The following HS3ST5 variants were observed in gnomAD, a reference collection of about 807,000 sequenced individuals.
HS3ST5 encodes heparan sulfate-glucosamine 3-sulfotransferase 5.
HS3ST5 carries 10 observed loss-of-function variants against 25.4 expected under a neutral mutation model. The ratio of observed to expected loss-of-function variants is 0.39; its 90% CI spans 0.24 to 0.67. The LOEUF (loss-of-function observed/expected upper bound fraction) is 0.67, where lower values mean the gene tolerates loss of function less well. Among genes scored for constraint, HS3ST5 ranks in the 30% least tolerant of loss-of-function variants. HS3ST5 has a pLI of 0.44. For missense variants in HS3ST5, 324 were observed against 420.7 expected (o/e 0.77, Z 2.01); for synonymous variants, 170 against 162.4 (o/e 1.05, Z -0.36).
chr6:114,341,384 A>G (rs1466327212), intron 1 of HS3ST5, among the ~76,000 whole-genome samples: 1 of 151,884 alleles, frequency 6.6e-6, no homozygotes, highest in Non-Finnish European at 1.5e-5. Context: ...AGGTGAAGTG[A>G]CTCCGGAGTT....
intron 1 of HS3ST5, among the ~76,000 whole-genome samples, chr6:114,310,961 T>C (rs1310369933): frequency 6.6e-6 from 1 of 152,194 alleles, no homozygotes; most frequent in Non-Finnish European, 1.5e-5. Context: ...AATATGCTAA[T>C]ATAGCCAATG....
chr6:114,338,929 A>C (rs957516076), intron 1 of HS3ST5, among the ~76,000 whole-genome samples: 1 of 152,052 alleles, frequency 6.6e-6, no homozygotes, highest in Non-Finnish European at 1.5e-5. Context: ...TTTTGTTTTG[A>C]GCTCCCCTCA....
chr6:114,148,417 G>A (rs1363669301), intron 3 of HS3ST5, among the ~76,000 whole-genome samples: 7 of 152,066 alleles, frequency 4.6e-5, no homozygotes, highest in African/African-American at 1.7e-4. Flanking sequence ...TCAGGAGTTC[G>A]AGACCAGCCT....
At chr6:114,226,560 T>C (rs1042718565) in intron 2 of HS3ST5, among the ~76,000 whole-genome samples, 1 of 151,890 alleles carries the variant, frequency 6.6e-6, no homozygotes, top group Admixed American at 6.6e-5. Flanking sequence ...GAAACTTTTA[T>C]ATGAAGAGAC....
chr6:114,193,120 T>C (rs1284254373), intron 2 of HS3ST5, among the ~76,000 whole-genome samples: 1 of 152,210 alleles, frequency 6.6e-6, no homozygotes, highest in Non-Finnish European at 1.5e-5. Context: ...TGTTAACTCA[T>C]TCATGGAGCA....
chr6:114,245,763 G>A (rs961978409), intron 1 of HS3ST5, among the ~76,000 whole-genome samples: 2 of 152,156 alleles, frequency 1.3e-5, no homozygotes, highest in Admixed American at 6.5e-5. Context: ...CAGACTCCCA[G>A]AGTCCTAGGC....
intron 3 of HS3ST5, among the ~76,000 whole-genome samples, chr6:114,122,212 TGGAGCCCTCA>T (rs1776824174): frequency 6.6e-6 from 1 of 152,204 alleles, no homozygotes; most frequent in South Asian, 2.1e-4. Context: ...CTTTGGTACC[TGGAGCCCTCA>T]GGAGCCACTC....
intron 3 of HS3ST5, among the ~76,000 whole-genome samples, chr6:114,106,008 T>C (rs981535244): frequency 2.6e-5 from 4 of 152,148 alleles, no homozygotes; most frequent in Admixed American, 1.3e-4. Context: ...TGTTTTCGAT[T>C]TGGGCTCAAC....
At chr6:114,205,469 T>C (rs1160946853) in intron 2 of HS3ST5, among the ~76,000 whole-genome samples, 1 of 152,122 alleles carries the variant, frequency 6.6e-6, no homozygotes, top group Non-Finnish European at 1.5e-5. Context: ...TCCCAATGTA[T>C]CAACATGTCC....
intron 1 of HS3ST5, among the ~76,000 whole-genome samples, chr6:114,249,369 T>C (rs1362362315): frequency 2.6e-5 from 4 of 152,240 alleles, no homozygotes; most frequent in Admixed American, 2.0e-4. Flanking sequence ...TTAAAGTTAC[T>C]AGAAATAACT....
chr6:114,057,249 A>G lies in HS3ST5; in HGVS notation c.*8T>C, dbSNP rs1429048324. The G allele has an allele frequency of 1.9e-6, 3 of 1,589,242 alleles. No individual in the cohort carries two copies. The highest frequency in any genetic ancestry group is 3.4e-5 in the Admixed American group (2 of 59,184). On this transcript the variant is annotated 3_prime_UTR_variant, in exon 5 of 5. Transcript: ENST00000312719. Reference sequence around the variant, plus strand: ...GGCACAACACATAGTGTTGTATGACATATTATTTTAGGGCCAGTTCAATGT... The same window carrying G: ...GGCACAACACATAGTGTTGTATGACGTATTATTTTAGGGCCAGTTCAATGT...
intron 1 of HS3ST5, among the ~76,000 whole-genome samples, chr6:114,233,970 A>G (rs1259393747): frequency 6.6e-6 from 1 of 152,230 alleles, no homozygotes; most frequent in Non-Finnish European, 1.5e-5. Context: ...TTTGTTAAAC[A>G]GGAAGACACA....
chr6:114,196,877 G>A (rs201313012), intron 2 of HS3ST5, among the ~76,000 whole-genome samples: 3 of 150,914 alleles, frequency 2.0e-5, no homozygotes, highest in Non-Finnish European at 1.5e-5. Flanking sequence ...TTTGTAAATG[G>A]AAAAAAAAAT....
At chr6:114,076,302 A>G (rs1774128504) in intron 3 of HS3ST5, among the ~76,000 whole-genome samples, 1 of 152,208 alleles carries the variant, frequency 6.6e-6, no homozygotes. Context: ...GGATGAGTTC[A>G]GCAATCCCTC....
At chr6:114,122,984 C>T (rs986026956) in intron 3 of HS3ST5, among the ~76,000 whole-genome samples, 1 of 152,192 alleles carries the variant, frequency 6.6e-6, no homozygotes, top group Non-Finnish European at 1.5e-5. Context: ...CGGAGTTTCA[C>T]TCTTGTTGCC....
chr6:114,291,626 T>C (rs931360337), intron 1 of HS3ST5, among the ~76,000 whole-genome samples: 2 of 152,094 alleles, frequency 1.3e-5, no homozygotes, highest in Non-Finnish European at 2.9e-5. Flanking sequence ...TGAAGAAAGG[T>C]GGGCTGCCTA....
intron 3 of HS3ST5, among the ~76,000 whole-genome samples, chr6:114,090,300 G>T (rs138937212): frequency 4.8e-4 from 73 of 152,204 alleles, no homozygotes; most frequent in African/African-American, 1.6e-3. Context: ...TGGCAATCTG[G>T]TTTATTAGTA....
At position 114,212,462 on chromosome 6, in the gene HS3ST5, T is replaced by C. The variant is rs775453005; in HGVS notation, c.-145+16123A>G. 1.6e-4 allele frequency among the ~76,000 whole-genome samples: 24 copies of C among 152,318 alleles called. No homozygotes were observed. In the Middle Eastern group the frequency reaches 0.01, roughly 65 times the overall value. ...TAACACCATGATGCCAACATTCATATTCTATAGATCCTGGTGGAGAAAACA... is the reference window on the plus strand; with the variant it reads ...TAACACCATGATGCCAACATTCATACTCTATAGATCCTGGTGGAGAAAACA... On this transcript the variant is annotated intron_variant, in intron 2 of 4. Transcript: ENST00000312719.
At chr6:114,178,820 T>G (rs1167883700) in intron 2 of HS3ST5, 1 of 151,890 alleles carries the variant, frequency 6.6e-6, no homozygotes, top group Non-Finnish European at 1.5e-5. Context: ...ATAAGGGTGA[T>G]AGCTTCTCTT....
Sources: gnomAD v4.1 joint callset for allele counts (sites outside exome capture counted in the v4.1 genomes callset) on GRCh38, gnomAD v4.1.1 for gene constraint, MANE v1.5 for transcripts, NCBI Gene and HGNC (gene_info 2026-07-23, HGNC 2026-07-21) for gene names.